Variants in ZMYM4 observed in about 807,000 individuals in gnomAD.
The protein encoded by ZMYM4 is zinc finger MYM-type protein 4.
In ZMYM4, 31 loss-of-function variants were observed where a neutral mutation model predicts 183.2. That is an observed-to-expected ratio of 0.17 (90% CI 0.13 to 0.23). The LOEUF is 0.23. Among genes scored for constraint, ZMYM4 ranks in the 10% least tolerant of loss-of-function variants. The pLI is 1.00. For missense variants in ZMYM4, 1,273 were observed against 1,840.3 expected, an observed-to-expected ratio of 0.69 and a Z score of 5.64; for synonymous variants, 592 against 631.2, an observed-to-expected ratio of 0.94 and a Z score of 0.93.
intron 3 of ZMYM4, among the ~76,000 whole-genome samples, chr1:35,360,763 T>G (rs1273769191): frequency 1.3e-5 from 2 of 151,994 alleles, no homozygotes; most frequent in Non-Finnish European, 2.9e-5. Flanking sequence ...TTTTAGGGAT[T>G]CTTAGAAGAG....
At chr1:35,382,629 G>A (rs1644490558) in intron 9 of ZMYM4, among the ~76,000 whole-genome samples, 1 of 151,836 alleles carries the variant, frequency 6.6e-6, no homozygotes, top group Non-Finnish European at 1.5e-5. Flanking sequence ...ATTTTTATTA[G>A]AGATGGGATT....
Position 35,412,038 on chromosome 1 carries a change from C to T in ZMYM4, c.3949-1934C>T, listed in dbSNP as rs536520391. 1.1e-4 allele frequency among the ~76,000 whole-genome samples: 17 copies of T among 152,044 alleles called. 1 individual carries two copies. The highest frequency in any genetic ancestry group is 3.9e-4 in the East Asian group (2 of 5,166). On this transcript the variant is annotated intron_variant, in intron 26 of 29. Coordinates refer to ENST00000314607, the MANE Select transcript of ZMYM4 (RefSeq NM_005095.3). ...AGCTGGGACTACAGGCGCCCGCCAC[C>T]GCGCCCAGCTAATTTTTTTTTTTTT...
At chr1:35,305,674 G>C (rs1337047681) in intron 1 of ZMYM4, among the ~76,000 whole-genome samples, 2 of 151,996 alleles carry the variant, frequency 1.3e-5, no homozygotes, top group African/African-American at 4.8e-5. Flanking sequence ...CTCCCAAGTA[G>C]CTGGAACTAC....
intron 1 of ZMYM4, among the ~76,000 whole-genome samples, chr1:35,287,488 C>A (rs933701375): frequency 6.6e-6 from 1 of 152,156 alleles, no homozygotes; most frequent in Admixed American, 6.5e-5. Flanking sequence ...ACTGCAAATT[C>A]ACTATGTCTA....
At chr1:35,294,614 G>A (rs946714497) in intron 1 of ZMYM4, among the ~76,000 whole-genome samples, 9 of 152,200 alleles carry the variant, frequency 5.9e-5, no homozygotes, top group East Asian at 1.9e-4. Context: ...TAGATCATTC[G>A]TGTTTGGATG....
rs1377061881 is a variant in ZMYM4 at position 35,389,076 on chromosome 1, C to T, written c.2430C>T (p.Phe810=). 5.0e-6 allele frequency: 8 copies of T among 1,612,074 alleles called. No individual in the cohort carries two copies. Among genetic ancestry groups the T allele is most frequent in the Non-Finnish European group, 5.9e-6 (7 of 1,179,292 alleles). The change falls in exon 14 of 30, where the codon TTC becomes TTT. Residue 810 remains phenylalanine, a synonymous_variant. Transcript: ENST00000314607. This position sits in a 1 kb window ranked among gnomAD's most constrained non-coding sequence, Gnocchi z 4.0. ...GCATGTCCAAATATACAGTTTTGTT[C>T]TATCAGGTAAATAGAATTCACATTC... ...EECMSKYTVL[F]YQMAKCDACK...
At chr1:35,327,969 A>G (rs145107647) in intron 2 of ZMYM4, among the ~76,000 whole-genome samples, 298 of 152,198 alleles carry the variant, frequency 2.0e-3, no homozygotes, top group Admixed American at 7.4e-3. Flanking sequence ...CTCTGTCACT[A>G]CTCACTTTCG....
chr1:35,284,965 A>G (rs1640400559), intron 1 of ZMYM4, among the ~76,000 whole-genome samples: 1 of 152,226 alleles, frequency 6.6e-6, no homozygotes, highest in South Asian at 2.1e-4. Flanking sequence ...GAGGAGGGAT[A>G]CAAACATTCA....
chr1:35,304,036 T>G (rs1300190608), intron 1 of ZMYM4, among the ~76,000 whole-genome samples: 1 of 152,154 alleles, frequency 6.6e-6, no homozygotes. Flanking sequence ...GTTTCTTTTT[T>G]TTTTTTGAAA....
At chr1:35,412,841 G>T (rs1639968640) in intron 26 of ZMYM4, among the ~76,000 whole-genome samples, 1 of 151,992 alleles carries the variant, frequency 6.6e-6, no homozygotes, top group Non-Finnish European at 1.5e-5. Context: ...ATTTTTGTTA[G>T]CCAGAATAAA....
rs1553179061 is a variant in ZMYM4, at chr1:35,389,781, A to ATATATGTGTGTG, written c.2437-166_2437-165insATATGTGTGTGT. 8.5e-5 allele frequency among the ~76,000 whole-genome samples: 12 copies of ATATATGTGTGTG among 141,478 alleles called. No individual in the cohort carries two copies. The highest frequency in any genetic ancestry group is 4.3e-4 in the East Asian group (2 of 4,700). The allele number at this position is 141,478 out of a possible 152,430, so 92.8% of individuals were successfully genotyped here. A position where few individuals can be genotyped will look rare whatever the true frequency, so the allele number is the denominator to read the frequency against. ...AAAAAAAAAAAAAATATATATATATATGTGTGTGTGTGTGTGTGTGTGTGT... is the reference window on the plus strand; with the variant it reads ...AAAAAAAAAAAAAATATATATATATATATATGTGTGTGTGTGTGTGTGTGTGTGTGTGTGTGT... On this transcript the variant is annotated intron_variant, in intron 14 of 29. Transcript: ENST00000314607. This position sits in a 1 kb window ranked among gnomAD's most constrained non-coding sequence, Gnocchi z 4.0.
At chr1:35,351,064 A>G (rs531966982) in intron 2 of ZMYM4, 20 of 849,522 alleles carry the variant, frequency 2.4e-5, no homozygotes, top group African/African-American at 2.2e-4. Flanking sequence ...TTTGGCATGG[A>G]CAAGATCTGT....
intron 1 of ZMYM4, among the ~76,000 whole-genome samples, chr1:35,313,140 C>T (rs930860427): frequency 3.9e-5 from 6 of 151,992 alleles, no homozygotes; most frequent in South Asian, 2.1e-4. Context: ...GTGATCCACC[C>T]GCCTCAGCCT....
At chr1:35,367,058 A>T (rs1429228208) in intron 5 of ZMYM4, among the ~76,000 whole-genome samples, 1 of 151,746 alleles carries the variant, frequency 6.6e-6, no homozygotes, top group Non-Finnish European at 1.5e-5. Context: ...TTTAGATTTG[A>T]TGCAATTCTG....
intron 9 of ZMYM4, among the ~76,000 whole-genome samples, chr1:35,382,220 A>G (rs1235715244): frequency 1.3e-5 from 2 of 150,572 alleles, no homozygotes; most frequent in Admixed American, 6.7e-5. Flanking sequence ...ACACGTATAT[A>G]TACGTATATA....
intron 28 of ZMYM4, among the ~76,000 whole-genome samples, chr1:35,417,545 A>G (rs2149049457): frequency 6.6e-6 from 1 of 152,322 alleles, no homozygotes; most frequent in Non-Finnish European, 1.5e-5. Context: ...TCTCATAGAG[A>G]TGACAGCTTC....
chr1:35,363,858 C>A (rs1200703733), intron 5 of ZMYM4, among the ~76,000 whole-genome samples: 1 of 152,134 alleles, frequency 6.6e-6, no homozygotes, highest in Admixed American at 6.5e-5. Context: ...ATATGAAGGG[C>A]AGATCTTGTA....
At chr1:35,328,427 T>G (rs1642595208) in intron 2 of ZMYM4, among the ~76,000 whole-genome samples, 1 of 151,512 alleles carries the variant, frequency 6.6e-6, no homozygotes, top group Non-Finnish European at 1.5e-5. Flanking sequence ...ACTATAGATG[T>G]GATCACCATG....
At chr1:35,291,051 A>G (rs971385698) in intron 1 of ZMYM4, among the ~76,000 whole-genome samples, 1 of 152,202 alleles carries the variant, frequency 6.6e-6, no homozygotes, top group African/African-American at 2.4e-5. Flanking sequence ...ACATATGCAT[A>G]TAGTGGTAAA....
Sources: allele counts gnomAD v4.1 joint callset (sites outside exome capture counted in the v4.1 genomes callset), GRCh38; gene constraint gnomAD v4.1.1; non-coding constraint Gnocchi (gnomAD v3.1); transcripts MANE v1.5; gene names NCBI Gene and HGNC (gene_info 2026-07-23, HGNC 2026-07-21).